XYLT1: variants seen among roughly 807,000 people sequenced by gnomAD.
XYLT1 encodes beta-D-xylosyltransferase 1.
A neutral mutation model predicts 91.3 loss-of-function variants in XYLT1; 36 were observed. The observed-to-expected ratio is 0.39, with a 90% confidence interval of 0.30 to 0.52. The LOEUF (loss-of-function observed/expected upper bound fraction) is 0.52. Ranked by LOEUF, XYLT1 falls within the 20% of genes least tolerant of loss-of-function variation. The pLI, the probability that XYLT1 is intolerant of heterozygous loss-of-function variation, is 0.68. For synonymous variants in XYLT1, 588 were observed against 532.0 expected (o/e 1.11, Z -1.45); for missense variants, 1,242 against 1,284.5 (o/e 0.97, Z 0.51).
intron 1 of XYLT1, among the ~76,000 whole-genome samples, chr16:17,450,697 C>T (rs2036654903): frequency 6.6e-6 from 1 of 152,180 alleles, no homozygotes; most frequent in African/African-American, 2.4e-5. Context: ...GGTATCCTGA[C>T]TCCTGAAAGT....
intron 2 of XYLT1, among the ~76,000 whole-genome samples, chr16:17,313,646 G>A (rs2034584937): frequency 6.7e-6 from 1 of 150,140 alleles, no homozygotes; most frequent in East Asian, 2.0e-4. Context: ...ACTTAGGCAA[G>A]AAAAGGTTTC....
intron 1 of XYLT1, among the ~76,000 whole-genome samples, chr16:17,404,263 T>C (rs2036003348): frequency 6.6e-6 from 1 of 152,110 alleles, no homozygotes; most frequent in African/African-American, 2.4e-5. Flanking sequence ...CTTTTCCTCC[T>C]CAGAACTCAG....
At chr16:17,224,606 C>G (rs1469992499) in intron 3 of XYLT1, among the ~76,000 whole-genome samples, 1 of 152,158 alleles carries the variant, frequency 6.6e-6, no homozygotes, top group Non-Finnish European at 1.5e-5. Flanking sequence ...GATCTGTGGT[C>G]TTGGGCAAAT....
chr16:17,338,181 G>A (rs772927507), intron 2 of XYLT1: 3 of 456,382 alleles, frequency 6.6e-6, no homozygotes, highest in South Asian at 4.6e-5. Flanking sequence ...CCCCTTTTCT[G>A]ATTCCTTGCC....
At chr16:17,195,788 A>G (rs1426996675) in intron 5 of XYLT1, among the ~76,000 whole-genome samples, 1 of 152,142 alleles carries the variant, frequency 6.6e-6, no homozygotes, top group Admixed American at 6.5e-5. Flanking sequence ...TGCATGATGT[A>G]TCTTTGGCAT....
At chr16:17,162,751 T>C (rs996169659) in intron 5 of XYLT1, among the ~76,000 whole-genome samples, 1 of 152,216 alleles carries the variant, frequency 6.6e-6, no homozygotes, top group South Asian at 2.1e-4. Flanking sequence ...CAATATCTAT[T>C]GAGCAAAAAT....
intron 1 of XYLT1, among the ~76,000 whole-genome samples, chr16:17,400,463 G>A (rs1028396088): frequency 9.9e-5 from 15 of 152,104 alleles, no homozygotes; most frequent in African/African-American, 2.7e-4. Context: ...GGTGGCACGC[G>A]CCTGTAATCC....
At chr16:17,207,698 C>T (rs1040530346) in intron 3 of XYLT1, among the ~76,000 whole-genome samples, 1 of 152,154 alleles carries the variant, frequency 6.6e-6, no homozygotes, top group African/African-American at 2.4e-5. Flanking sequence ...CAGCACCAAG[C>T]CCTGCTGGGA....
chr16:17,451,389 T>G (rs1002294782), intron 1 of XYLT1, among the ~76,000 whole-genome samples: 1 of 152,170 alleles, frequency 6.6e-6, no homozygotes, highest in African/African-American at 2.4e-5. Flanking sequence ...AATGTCACCT[T>G]GTTGGAAAAG....
At chr16:17,212,346 A>T (rs2032774651) in intron 3 of XYLT1, among the ~76,000 whole-genome samples, 1 of 152,084 alleles carries the variant, frequency 6.6e-6, no homozygotes, top group South Asian at 2.1e-4. Context: ...ACCCCAATAA[A>T]TTCTAACTTA....
At chr16:17,394,260 C>T (rs2035856897) in intron 1 of XYLT1, among the ~76,000 whole-genome samples, 2 of 152,186 alleles carry the variant, frequency 1.3e-5, no homozygotes, top group Admixed American at 6.5e-5. Flanking sequence ...TGGCTGCTGG[C>T]CACCTCACTG....
chr16:17,290,273 A>C (rs113552672), intron 2 of XYLT1, among the ~76,000 whole-genome samples: 1,960 of 152,382 alleles, frequency 0.013, 46 homozygotes, highest in African/African-American at 0.044. Context: ...ACAACTTTCT[A>C]AGTAAAACTA....
At chr16:17,260,493 G>T (rs559040331) in intron 2 of XYLT1, among the ~76,000 whole-genome samples, 1 of 152,180 alleles carries the variant, frequency 6.6e-6, no homozygotes, top group Admixed American at 6.5e-5. Flanking sequence ...AAACACAGGG[G>T]CAATGGGCGG....
At chr16:17,425,043 T>C (rs904219684) in intron 1 of XYLT1, among the ~76,000 whole-genome samples, 1 of 152,096 alleles carries the variant, frequency 6.6e-6, no homozygotes, top group African/African-American at 2.4e-5. Context: ...TCCAGCCTCA[T>C]TAGGGTTTGG....
chr16:17,183,611 T>C (rs953839666), intron 5 of XYLT1, among the ~76,000 whole-genome samples: 6 of 152,308 alleles, frequency 3.9e-5, no homozygotes, highest in African/African-American at 1.4e-4. Context: ...CCTTCTGGGA[T>C]TGTTGTGAGA....
Position 17,470,461 on chromosome 16 carries a change from G to A in XYLT1, c.336C>T (p.Ser112=). 8.1e-7 allele frequency: 1 copy of A among 1,231,944 alleles called. No homozygotes were observed. The highest frequency in any genetic ancestry group is 1.0e-6 in the Non-Finnish European group (1 of 987,858). The allele number at this position is 1,231,944 out of a possible 1,614,324, so 76.3% of individuals were successfully genotyped here. Residue 112 remains serine (S), a synonymous_variant, in exon 1 of 12, where the codon AGC becomes AGT. Transcript: ENST00000261381. ...PGEPRGQQPA[S]RGALPARALD... ...GAGCCCGGGCGGGCAGTGCCCCCCGGCTGGCCGGCTGCTGTCCCCGCGGTT... is the reference window on the plus strand; with the variant it reads ...GAGCCCGGGCGGGCAGTGCCCCCCGACTGGCCGGCTGCTGTCCCCGCGGTT...
intron 3 of XYLT1, among the ~76,000 whole-genome samples, chr16:17,254,226 C>T (rs2033593504): frequency 6.6e-6 from 1 of 152,176 alleles, no homozygotes; most frequent in Non-Finnish European, 1.5e-5. Context: ...CCTGAGACAG[C>T]AGTAATACCA....
At chr16:17,398,818 G>GCCCCCCC (rs71230739) in intron 1 of XYLT1, among the ~76,000 whole-genome samples, 2 of 84,790 alleles carry the variant, frequency 2.4e-5, no homozygotes, top group African/African-American at 4.6e-5. Context: ...AAATGTCCCC[G>GCCCCCCC]CCCCCCCCCA....
intron 1 of XYLT1, among the ~76,000 whole-genome samples, chr16:17,442,392 C>G (rs772208093): frequency 1.4e-4 from 22 of 152,104 alleles, no homozygotes; most frequent in Non-Finnish European, 2.6e-4. Flanking sequence ...TTTTGCCCAC[C>G]TACCCCCCAC....
Sources: gnomAD v4.1 joint callset for allele counts (sites outside exome capture counted in the v4.1 genomes callset) on GRCh38, gnomAD v4.1.1 for gene constraint, MANE v1.5 for transcripts, NCBI Gene and HGNC (gene_info 2026-07-23, HGNC 2026-07-21) for gene names.